Variants in HS6ST3 observed in about 807,000 individuals in gnomAD.
The protein encoded by HS6ST3 is heparan sulfate 6-O-sulfotransferase 3.
In HS6ST3, 12 loss-of-function variants were observed where a neutral mutation model predicts 36.7. The observed-to-expected ratio is 0.33, with a 90% CI of 0.21 to 0.53. The LOEUF (loss-of-function observed/expected upper bound fraction) is 0.53, where lower values mean the gene tolerates loss of function less well. Ranked by LOEUF, HS6ST3 falls within the 20% of genes least tolerant of loss-of-function variation. HS6ST3 has a pLI of 0.95. For missense variants in HS6ST3, 584 were observed against 640.9 expected (o/e 0.91, Z 0.96); for synonymous variants, 240 against 257.5 (o/e 0.93, Z 0.65).
chr13:96,504,767 G>A (rs1344658905), intron 1 of HS6ST3, among the ~76,000 whole-genome samples: 2 of 152,094 alleles, frequency 1.3e-5, no homozygotes, highest in Non-Finnish European at 2.9e-5. Flanking sequence ...TTATGAGCAT[G>A]TTGTGATATC....
chr13:96,109,496 G>A (rs2053858023), intron 1 of HS6ST3, among the ~76,000 whole-genome samples: 1 of 152,212 alleles, frequency 6.6e-6, no homozygotes, highest in Non-Finnish European at 1.5e-5. Flanking sequence ...GCTTATGTGT[G>A]CAAGGGAACT....
At chr13:96,485,933 A>G (rs928428909) in intron 1 of HS6ST3, among the ~76,000 whole-genome samples, 2 of 152,056 alleles carry the variant, frequency 1.3e-5, no homozygotes, top group Non-Finnish European at 2.9e-5. Flanking sequence ...TTACATATGT[A>G]TACATGTGCC....
At chr13:96,616,481 T>G (rs2056474744) in intron 1 of HS6ST3, among the ~76,000 whole-genome samples, 1 of 152,174 alleles carries the variant, frequency 6.6e-6, no homozygotes, top group South Asian at 2.1e-4. Context: ...TTTGTAATAA[T>G]TCCTATGTAA....
At chr13:96,605,724 T>C (rs1466778389) in intron 1 of HS6ST3, among the ~76,000 whole-genome samples, 2 of 152,112 alleles carry the variant, frequency 1.3e-5, no homozygotes, top group African/African-American at 2.4e-5. Context: ...AATGGTTCAA[T>C]ATTTTAAACC....
chr13:96,407,401 G>A (rs1159373986), intron 1 of HS6ST3, among the ~76,000 whole-genome samples: 3 of 152,176 alleles, frequency 2.0e-5, no homozygotes, highest in Admixed American at 2.0e-4. Flanking sequence ...ACTTTACTAA[G>A]TCTTGGTTCT....
At chr13:96,471,543 T>C (rs908544156) in intron 1 of HS6ST3, among the ~76,000 whole-genome samples, 1 of 151,862 alleles carries the variant, frequency 6.6e-6, no homozygotes, top group East Asian at 1.9e-4. Context: ...CAGTGAATGA[T>C]TGAGCAGCTG....
intron 1 of HS6ST3, among the ~76,000 whole-genome samples, chr13:96,257,758 G>GGAAT (rs1158955169): frequency 6.6e-6 from 1 of 152,032 alleles, no homozygotes; most frequent in African/African-American, 2.4e-5. Flanking sequence ...CATAAACATG[G>GGAAT]GAATAAAGGA....
chr13:96,317,346 A>AAAAT lies in HS6ST3; in HGVS notation c.707+225777_707+225778insAAAT, dbSNP rs1372573189. Among the ~76,000 whole-genome samples the AAAAT allele has an allele frequency of 8.0e-3, 146 of 18,284 alleles. 2 individuals carry two copies. In the South Asian group the frequency reaches 0.08, roughly 10 times the overall value. 12.0% of individuals were successfully genotyped at this position (18,284 alleles called of 152,430 possible). Reference sequence around the variant, plus strand: ...TTCCATTATATATATATATATATATATATATATATATATATATATATAAAA... The same window carrying AAAAT: ...TTCCATTATATATATATATATATATAAAATTATATATATATATATATATATAAAA... On this transcript the variant is annotated intron_variant, in intron 1 of 1. Transcript: ENST00000376705.
chr13:96,793,641 C>T (rs1877843128), intron 1 of HS6ST3, among the ~76,000 whole-genome samples: 1 of 152,090 alleles, frequency 6.6e-6, no homozygotes. Context: ...TGTATTTTTA[C>T]CTCAATGTTT....
At chr13:96,711,979 G>A (rs1875574232) in intron 1 of HS6ST3, among the ~76,000 whole-genome samples, 1 of 152,184 alleles carries the variant, frequency 6.6e-6, no homozygotes, top group Non-Finnish European at 1.5e-5. Context: ...CTACTTTGAA[G>A]TTAGGATTTC....
chr13:96,218,634 G>A (rs560052087), intron 1 of HS6ST3, among the ~76,000 whole-genome samples: 44 of 152,240 alleles, frequency 2.9e-4, no homozygotes, highest in Non-Finnish European at 4.4e-4. Context: ...AAACTGCCAG[G>A]AAGACACGTG....
intron 1 of HS6ST3, among the ~76,000 whole-genome samples, chr13:96,803,712 G>C (rs915063129): frequency 6.6e-6 from 1 of 152,150 alleles, no homozygotes; most frequent in African/African-American, 2.4e-5. Flanking sequence ...AATACTGAGA[G>C]TGGGGAGGCA....
chr13:96,133,372 C>T (rs1159100339), intron 1 of HS6ST3, among the ~76,000 whole-genome samples: 11 of 152,058 alleles, frequency 7.2e-5, no homozygotes, highest in African/African-American at 2.4e-4. Flanking sequence ...GTGATCCGCC[C>T]GCCTCGGTCT....
At chr13:96,442,728 G>C (rs143956945) in intron 1 of HS6ST3, among the ~76,000 whole-genome samples, 72 of 150,862 alleles carry the variant, frequency 4.8e-4, no homozygotes, top group African/African-American at 1.6e-3. Context: ...TCAGGAAGTA[G>C]GGTTCTGGGA....
intron 1 of HS6ST3, among the ~76,000 whole-genome samples, chr13:96,166,021 G>GTTATTTATTTAT (rs143510611): frequency 2.8e-5 from 4 of 144,776 alleles, no homozygotes; most frequent in African/African-American, 7.7e-5. Context: ...GGTGGAAGGG[G>GTTATTTATTTAT]TTATTTATTT....
chr13:96,353,079 G>A (rs1032079061), intron 1 of HS6ST3, among the ~76,000 whole-genome samples: 12 of 141,076 alleles, frequency 8.5e-5, no homozygotes, highest in Non-Finnish European at 1.4e-4. Context: ...TTTTGAGACG[G>A]AGTCTTGCTC....
intron 1 of HS6ST3, among the ~76,000 whole-genome samples, chr13:96,391,984 T>G (rs1352583657): frequency 6.6e-6 from 1 of 152,240 alleles, no homozygotes; most frequent in Non-Finnish European, 1.5e-5. Context: ...GGCAAGATGT[T>G]GAACAAATGT....
At chr13:96,239,087 G>T (rs1468221237) in intron 1 of HS6ST3, among the ~76,000 whole-genome samples, 1 of 152,088 alleles carries the variant, frequency 6.6e-6, no homozygotes, top group Non-Finnish European at 1.5e-5. Context: ...TCCTTATATG[G>T]GAGACCTTAT....
At chr13:96,600,106 G>T (rs1222894606) in intron 1 of HS6ST3, among the ~76,000 whole-genome samples, 1 of 152,036 alleles carries the variant, frequency 6.6e-6, no homozygotes, top group African/African-American at 2.4e-5. Flanking sequence ...TGTGTATTCT[G>T]CAGTTTTTGG....
Sources: allele counts gnomAD v4.1 joint callset (sites outside exome capture counted in the v4.1 genomes callset), GRCh38; gene constraint gnomAD v4.1.1; transcripts MANE v1.5; gene names NCBI Gene and HGNC (gene_info 2026-07-23, HGNC 2026-07-21).